Variants in ADRA1A observed in about 807,000 individuals in gnomAD.
ADRA1A encodes adrenoceptor alpha 1A.
A neutral mutation model predicts 29.6 loss-of-function variants in ADRA1A; 31 were observed. That is an observed-to-expected ratio of 1.05 (90% CI 0.79 to 1.41). ADRA1A has a LOEUF of 1.41. ADRA1A is among the 40% of genes most tolerant of loss of function. The pLI is 0.00. For missense variants in ADRA1A, 619 were observed against 601.1 expected (o/e 1.03, Z -0.31); for synonymous variants, 311 against 254.3 (o/e 1.22, Z -2.12).
At chr8:26,773,025 C>T (rs1806288766) in intron 2 of ADRA1A, among the ~76,000 whole-genome samples, 2 of 152,222 alleles carry the variant, frequency 1.3e-5, no homozygotes, top group South Asian at 4.1e-4. Context: ...GTGCTGAACA[C>T]TTTCCATATG....
intron 2 of ADRA1A, among the ~76,000 whole-genome samples, chr8:26,858,784 TA>T (rs2130779051): frequency 6.6e-6 from 1 of 152,328 alleles, no homozygotes; most frequent in African/African-American, 2.4e-5. Flanking sequence ...AAATGACTGT[TA>T]ACAACTGCAC....
intron 2 of ADRA1A, among the ~76,000 whole-genome samples, chr8:26,790,971 C>T (rs995072804): frequency 6.6e-6 from 1 of 152,064 alleles, no homozygotes; most frequent in African/African-American, 2.4e-5. Context: ...CTCCCATGCA[C>T]ATATAGGTGC....
At chr8:26,852,781 GA>G (rs929991008) in intron 2 of ADRA1A, among the ~76,000 whole-genome samples, 2 of 151,728 alleles carry the variant, frequency 1.3e-5, no homozygotes, top group Non-Finnish European at 2.9e-5. Flanking sequence ...ACAGTTTATA[GA>G]AAAAAAATGA....
chr8:26,809,039 T>G (rs1809195587), intron 2 of ADRA1A, among the ~76,000 whole-genome samples: 1 of 152,222 alleles, frequency 6.6e-6, no homozygotes, highest in Non-Finnish European at 1.5e-5. Context: ...AGTAGACACC[T>G]GCCTTATTTA....
intron 2 of ADRA1A, among the ~76,000 whole-genome samples, chr8:26,773,573 C>T (rs531397090): frequency 4.0e-5 from 6 of 151,856 alleles, no homozygotes; most frequent in Non-Finnish European, 5.9e-5. Flanking sequence ...TGTAAATCAG[C>T]GAGGGAGGGG....
chr8:26,839,824 G>A (rs886913554), intron 2 of ADRA1A, among the ~76,000 whole-genome samples: 2 of 152,082 alleles, frequency 1.3e-5, no homozygotes, highest in African/African-American at 2.4e-5. Context: ...GGGGAGGAAA[G>A]GCACAAACTA....
chr8:26,854,431 G>GT (rs1340658459), intron 2 of ADRA1A: 2 of 116,276 alleles, frequency 1.7e-5, no homozygotes, highest in Admixed American at 9.1e-5. Context: ...GGCGGGGGGG[G>GT]GGAGCAGGCA....
chr8:26,849,436 G>A lies in ADRA1A; in HGVS notation c.883+14651C>T, dbSNP rs140861197. Among the ~76,000 whole-genome samples, 58 of 152,324 alleles carry A rather than the reference G, an allele frequency of 3.8e-4. 1 individual carries two copies. Among genetic ancestry groups the A allele is most frequent in the Admixed American group, 1.5e-3 (23 of 15,304 alleles). On this transcript the variant is annotated intron_variant, in intron 2 of 2. Transcript: ENST00000380573. ...GCCCAGGCGGTCAGTCATGCCACCC[G>A]GAGGAGAGGGCACTACACACCCTGC...
chr8:26,810,447 T>C (rs1809298259), intron 2 of ADRA1A, among the ~76,000 whole-genome samples: 1 of 152,170 alleles, frequency 6.6e-6, no homozygotes, highest in Non-Finnish European at 1.5e-5. Context: ...CTTGCAGCAG[T>C]GTGATAATGG....
chr8:26,839,848 T>C (rs577366), intron 2 of ADRA1A, among the ~76,000 whole-genome samples: 30,990 of 151,966 alleles, frequency 0.2, 3,364 homozygotes, highest in Non-Finnish European at 0.25. Flanking sequence ...GATTCCCCTA[T>C]GGCTAGAGAG....
At position 26,825,885 on chromosome 8, in the gene ADRA1A, G is replaced by A. The variant is rs1014321436; in HGVS notation, c.883+38202C>T. 2.0e-5 allele frequency among the ~76,000 whole-genome samples: 3 copies of A among 152,192 alleles called. No individual in the cohort carries two copies. Among genetic ancestry groups the A allele is most frequent in the East Asian group, 1.9e-4 (1 of 5,192 alleles). ...TTCTGCGCACTGGTGTTTGCATGAG[G>A]ACATGAGCCCCATTCCTTGAATTCC... On this transcript the variant is annotated intron_variant, in intron 2 of 2. Transcript: ENST00000380573. This position sits in a 1 kb window ranked among gnomAD's most constrained non-coding sequence, Gnocchi z 5.7.
In ADRA1A at chr8:26,837,706, C is replaced by T. The variant is rs4418348; in HGVS notation, c.883+26381G>A. Among the ~76,000 whole-genome samples, 10 of 151,374 alleles carry T rather than the reference C, an allele frequency of 6.6e-5. 1 individual carries two copies. Among genetic ancestry groups the T allele is most frequent in the East Asian group, 3.9e-4 (2 of 5,154 alleles). On this transcript the variant is annotated intron_variant, in intron 2 of 2. Coordinates refer to ENST00000380573, the MANE Select transcript of ADRA1A (RefSeq NM_000680.4). ...TGGGCTAGATAGCCTGAGGCCTAAC[C>T]GGTGCCCACAGTGGGGATGTGTTAT...
chr8:26,859,992 T>C (rs946415087), intron 2 of ADRA1A, among the ~76,000 whole-genome samples: 1 of 152,044 alleles, frequency 6.6e-6, no homozygotes, highest in African/African-American at 2.4e-5. Context: ...GGTCTCGAAC[T>C]CCTGACCTCA....
At position 26,821,763 on chromosome 8, in the gene ADRA1A, C is replaced by T. The variant is rs1484164082; in HGVS notation, c.883+42324G>A. 2.0e-5 allele frequency among the ~76,000 whole-genome samples: 3 copies of T among 148,074 alleles called. No homozygotes were observed. The highest frequency in any genetic ancestry group is 4.1e-4 in the East Asian group (2 of 4,838). On this transcript the variant is annotated intron_variant, in intron 2 of 2. Coordinates refer to ENST00000380573, the MANE Select transcript of ADRA1A (RefSeq NM_000680.4). This position sits in a 1 kb window ranked among gnomAD's most constrained non-coding sequence, Gnocchi z 5.6. ...TACCCACTTCCCTTCTGCCCCACCC[C>T]GATCTTCACTCCTGGAAATCACTAA...
At chr8:26,842,904 C>CACAG (rs1811936046) in intron 2 of ADRA1A, among the ~76,000 whole-genome samples, 1 of 137,238 alleles carries the variant, frequency 7.3e-6, no homozygotes, top group Non-Finnish European at 1.6e-5. Context: ...CACACACACA[C>CACAG]ACACCACTCA....
chr8:26,859,039 T>C, intron 2 of ADRA1A: 3 of 1,246,378 alleles, frequency 2.4e-6, no homozygotes, highest in Non-Finnish European at 3.1e-6. Flanking sequence ...CACCTGATTT[T>C]CCTGGGTCAG....
intron 2 of ADRA1A, among the ~76,000 whole-genome samples, chr8:26,785,333 T>C (rs577880718): frequency 2.0e-5 from 3 of 152,314 alleles, no homozygotes; most frequent in East Asian, 3.9e-4. Flanking sequence ...TTTGATCTAA[T>C]TTGTTGTTGA....
intron 2 of ADRA1A, among the ~76,000 whole-genome samples, chr8:26,791,230 G>A (rs565569095): frequency 1.3e-5 from 2 of 152,070 alleles, no homozygotes; most frequent in East Asian, 3.9e-4. Flanking sequence ...CTGCTAATTT[G>A]AATATTTTGG....
At chr8:26,771,208 C>A (rs1806115905) in intron 2 of ADRA1A, among the ~76,000 whole-genome samples, 1 of 152,210 alleles carries the variant, frequency 6.6e-6, no homozygotes, top group Non-Finnish European at 1.5e-5. Flanking sequence ...AAAGTTGGGC[C>A]AGTGATTCTC....
Sources: gnomAD v4.1 joint callset for allele counts (sites outside exome capture counted in the v4.1 genomes callset) on GRCh38, gnomAD v4.1.1 for gene constraint, Gnocchi (gnomAD v3.1) non-coding constraint, MANE v1.5 for transcripts, NCBI Gene and HGNC (gene_info 2026-07-23, HGNC 2026-07-21) for gene names.